The following MTSS1 variants were observed in gnomAD, a reference collection of about 807,000 sequenced individuals.
The protein encoded by MTSS1 is MTSS I-BAR domain containing 1, also known as protein MTSS 1.
In MTSS1, 18 loss-of-function variants were observed where a neutral mutation model predicts 79.0. That is an observed-to-expected ratio of 0.23 (90% CI 0.16 to 0.34). The LOEUF is 0.34. Ranked by LOEUF, MTSS1 falls within the 10% of genes least tolerant of loss-of-function variation. The probability of loss-of-function intolerance (pLI) is 1.00; values close to 1 mark genes in which losing one functional copy is unlikely to be tolerated. For missense variants in MTSS1, 815 were observed against 986.2 expected (o/e 0.83, Z 2.33); for synonymous variants, 341 against 368.6 (o/e 0.93, Z 0.86).
At chr8:124,579,028 C>G (rs1356439481) in intron 6 of MTSS1, among the ~76,000 whole-genome samples, 1 of 152,120 alleles carries the variant, frequency 6.6e-6, no homozygotes, top group East Asian at 1.9e-4. Context: ...GAACCAGCCC[C>G]TACAAGAGAA....
chr8:124,618,771 T>G (rs112613893), intron 3 of MTSS1, among the ~76,000 whole-genome samples: 107 of 152,344 alleles, frequency 7.0e-4, no homozygotes, highest in African/African-American at 2.2e-3. Flanking sequence ...GAGGGGCTTT[T>G]CCCAGATACT....
At chr8:124,714,215 C>T (rs1184829446) in intron 1 of MTSS1, among the ~76,000 whole-genome samples, 1 of 152,188 alleles carries the variant, frequency 6.6e-6, no homozygotes, top group Admixed American at 6.5e-5. Flanking sequence ...ATGATGGGCA[C>T]TGAAGGCACC....
intron 3 of MTSS1, among the ~76,000 whole-genome samples, chr8:124,630,334 C>T (rs776975226): frequency 2.1e-4 from 32 of 149,158 alleles, no homozygotes; most frequent in African/African-American, 7.2e-4. Context: ...CTGGGCTACC[C>T]GAGCAGACTG....
intron 12 of MTSS1, 75 bp downstream of exon 12, chr8:124,556,157 C>G (rs1823700969): frequency 2.5e-6 from 4 of 1,603,578 alleles, no homozygotes; most frequent in Non-Finnish European, 2.6e-6. Flanking sequence ...CCTTGGCCCC[C>G]CAGTTGCTGG....
intron 3 of MTSS1, among the ~76,000 whole-genome samples, chr8:124,686,998 C>G (rs768004625): frequency 1.3e-5 from 2 of 152,160 alleles, no homozygotes; most frequent in Non-Finnish European, 1.5e-5. Flanking sequence ...CTACCTTTCT[C>G]AACCTGAGAT....
chr8:124,662,342 T>C (rs959227844), intron 3 of MTSS1, among the ~76,000 whole-genome samples: 13 of 152,156 alleles, frequency 8.5e-5, no homozygotes, highest in African/African-American at 3.1e-4. Flanking sequence ...AGAACAGTGA[T>C]ACGAATGTAT....
At chr8:124,618,172 G>A (rs888090861) in intron 3 of MTSS1, among the ~76,000 whole-genome samples, 1 of 152,152 alleles carries the variant, frequency 6.6e-6, no homozygotes, top group Non-Finnish European at 1.5e-5. Flanking sequence ...ATGAGGTCAT[G>A]TGCCTCCAAA....
intron 3 of MTSS1, among the ~76,000 whole-genome samples, chr8:124,621,766 C>G (rs1489408639): frequency 3.3e-5 from 5 of 152,184 alleles, no homozygotes; most frequent in Non-Finnish European, 7.3e-5. Flanking sequence ...CCAGGCTGGT[C>G]TTGAACTCCT....
At chr8:124,712,342 G>A (rs2135611846) in intron 1 of MTSS1, among the ~76,000 whole-genome samples, 1 of 152,288 alleles carries the variant, frequency 6.6e-6, no homozygotes, top group African/African-American at 2.4e-5. Context: ...GTATACCCTG[G>A]ATGAGCTCAG....
intron 3 of MTSS1, among the ~76,000 whole-genome samples, chr8:124,675,259 G>C (rs368363214): frequency 6.6e-6 from 1 of 152,170 alleles, no homozygotes; most frequent in African/African-American, 2.4e-5. Flanking sequence ...AAGATGCATA[G>C]AAAACAGGAA....
intron 3 of MTSS1, among the ~76,000 whole-genome samples, chr8:124,617,094 C>T (rs868208389): frequency 1.3e-5 from 2 of 152,036 alleles, no homozygotes; most frequent in East Asian, 1.9e-4. Flanking sequence ...GGTCAGAGAA[C>T]GAGGGCAGTG....
intron 3 of MTSS1, among the ~76,000 whole-genome samples, chr8:124,630,895 G>A (rs1815794403): frequency 6.6e-6 from 1 of 152,178 alleles, no homozygotes; most frequent in Non-Finnish European, 1.5e-5. Context: ...ACCTTTGGAG[G>A]CCTTTGGCCA....
Position 124,551,231 on chromosome 8 carries a change from A to G in MTSS1, c.*1761T>C, listed in dbSNP as rs1822472132. 6.5e-6 allele frequency: 1 copy of G among 152,698 alleles called. No homozygotes were observed. The highest frequency in any genetic ancestry group is 1.5e-5 in the Non-Finnish European group (1 of 68,048). 9.5% of individuals were successfully genotyped at this position (152,698 alleles called of 1,614,324 possible). The stretch of plus-strand genomic sequence containing the variant: ...TTGCAAAAACCATCTCAAGCATCAT[A>G]TGCACAATGCATCAGCTACTTTTAG... On this transcript the variant is annotated 3_prime_UTR_variant, in exon 14 of 14. Coordinates refer to ENST00000518547, the MANE Select transcript of MTSS1 (RefSeq NM_014751.6).
intron 3 of MTSS1, among the ~76,000 whole-genome samples, chr8:124,638,577 A>G (rs76971575): frequency 0.048 from 7,281 of 152,266 alleles, 575 homozygotes; most frequent in African/African-American, 0.16. Context: ...GTCTGTGATG[A>G]GATAAGCAGA....
At chr8:124,598,695 T>G (rs1374259997) in intron 3 of MTSS1, among the ~76,000 whole-genome samples, 1 of 152,202 alleles carries the variant, frequency 6.6e-6, no homozygotes, top group African/African-American at 2.4e-5. Flanking sequence ...AACACTAATT[T>G]GAAAACACAC....
intron 9 of MTSS1, among the ~76,000 whole-genome samples, chr8:124,564,046 A>G (rs376033190): frequency 6.7e-6 from 1 of 149,800 alleles, no homozygotes; most frequent in African/African-American, 2.5e-5. Flanking sequence ...CAGGAGAATC[A>G]CTTGAACCCA....
chr8:124,596,377 A>G (rs1172910700), intron 3 of MTSS1, among the ~76,000 whole-genome samples: 1 of 152,206 alleles, frequency 6.6e-6, no homozygotes, highest in Non-Finnish European at 1.5e-5. Context: ...ACCCGATTCA[A>G]CGTGGTACAT....
intron 3 of MTSS1, among the ~76,000 whole-genome samples, chr8:124,678,642 G>T (rs1327095841): frequency 1.3e-5 from 2 of 152,176 alleles, no homozygotes; most frequent in African/African-American, 4.8e-5. Flanking sequence ...TTGTGATTCA[G>T]TTACCTCCCA....
chr8:124,721,298 CA>C lies in MTSS1; in HGVS notation c.72+6585del, dbSNP rs923073317. Among the ~76,000 whole-genome samples, 204 of 140,022 alleles carry C rather than the reference CA, an allele frequency of 1.5e-3. 1 individual carries two copies. Among genetic ancestry groups the C allele is most frequent in the African/African-American group, 4.6e-3 (175 of 38,128 alleles). 91.9% of individuals were successfully genotyped at this position (140,022 alleles called of 152,430 possible). ...ACGTATTTAACAATTTCCATCATCG[CA>C]AAAAAAAAAATCACAACGGACAGAA... On this transcript the variant is annotated intron_variant, in intron 1 of 13. Coordinates refer to ENST00000518547, the MANE Select transcript of MTSS1 (RefSeq NM_014751.6).
Sources: gnomAD v4.1 joint callset for allele counts (sites outside exome capture counted in the v4.1 genomes callset) on GRCh38, gnomAD v4.1.1 for gene constraint, MANE v1.5 for transcripts, NCBI Gene and HGNC (gene_info 2026-07-23, HGNC 2026-07-21) for gene names.